Variants in EXOC4 observed in about 807,000 individuals in gnomAD.
The protein encoded by EXOC4 is exocyst complex component 4.
EXOC4 carries 71 observed loss-of-function variants against 107.2 expected under a neutral mutation model. The observed-to-expected ratio is 0.66, with a 90% CI of 0.55 to 0.81. The LOEUF (loss-of-function observed/expected upper bound fraction) is 0.81, where lower values mean the gene tolerates loss of function less well. Among genes scored for constraint, EXOC4 ranks in the 30% least tolerant of loss-of-function variants. The pLI is 0.00. For synonymous variants in EXOC4, 456 were observed against 441.2 expected (o/e 1.03, Z -0.42); for missense variants, 1,108 against 1,189.6 (o/e 0.93, Z 1.01).
chr7:133,790,003 C>T (rs1341755102), intron 10 of EXOC4, among the ~76,000 whole-genome samples: 2 of 152,180 alleles, frequency 1.3e-5, no homozygotes, highest in African/African-American at 4.8e-5. Flanking sequence ...TATATATTCT[C>T]ATGTAACAAA....
At chr7:133,595,104 T>G (rs1801636499) in intron 9 of EXOC4, among the ~76,000 whole-genome samples, 1 of 151,880 alleles carries the variant, frequency 6.6e-6, no homozygotes. Context: ...GTGTAGGTAA[T>G]GGGGAGAGTA....
chr7:133,685,687 G>C (rs117901794), intron 10 of EXOC4, among the ~76,000 whole-genome samples: 5 of 152,082 alleles, frequency 3.3e-5, no homozygotes, highest in Non-Finnish European at 7.4e-5. Flanking sequence ...AGACTAGGCC[G>C]ACTTGAGAAA....
chr7:133,655,287 A>G (rs1803263473), intron 10 of EXOC4, among the ~76,000 whole-genome samples: 1 of 152,262 alleles, frequency 6.6e-6, no homozygotes, highest in East Asian at 1.9e-4. Context: ...TAATGATTAA[A>G]TTAGGGTAGT....
chr7:133,810,605 A>C (rs897832284), intron 10 of EXOC4, among the ~76,000 whole-genome samples: 3 of 138,790 alleles, frequency 2.2e-5, no homozygotes, highest in Non-Finnish European at 4.7e-5. Flanking sequence ...GCTTTATTTT[A>C]TTTTATTTTA....
chr7:134,054,393 A>AAATT (rs749860854), intron 17 of EXOC4, among the ~76,000 whole-genome samples: 188 of 152,312 alleles, frequency 1.2e-3, no homozygotes, highest in Non-Finnish European at 2.2e-3. Context: ...TCTCCTAGAC[A>AAATT]AATTCACTTG....
chr7:133,591,937 A>G (rs1801558872), intron 9 of EXOC4, among the ~76,000 whole-genome samples: 1 of 152,206 alleles, frequency 6.6e-6, no homozygotes, highest in South Asian at 2.1e-4. Flanking sequence ...TGAGCTAAAC[A>G]GTTTTTGAAT....
rs925685752 is a variant in EXOC4, at chr7:133,694,966, G to A, written c.1514+64825G>A. ...GCCTCCCGAGTAGCTGGGATTACAG[G>A]CATGCACCACCATGCCCGGCTAATT... On this transcript the variant is annotated intron_variant, in intron 10 of 17. Transcript: ENST00000253861. Among the ~76,000 whole-genome samples, 54 of 152,124 alleles carry A rather than the reference G, an allele frequency of 3.5e-4. 3 individuals carry two copies. Among genetic ancestry groups the A allele is most frequent in the Non-Finnish European group, 1.3e-4 (9 of 68,026 alleles).
chr7:133,315,632 A>T (rs954610137), intron 4 of EXOC4, among the ~76,000 whole-genome samples: 1 of 152,226 alleles, frequency 6.6e-6, no homozygotes, highest in Non-Finnish European at 1.5e-5. Flanking sequence ...TAGATAAACC[A>T]TTATGAAAAG....
the EXOC4 span, among the ~76,000 whole-genome samples, chr7:134,073,382 C>T: frequency 1.3e-5 from 2 of 151,922 alleles, no homozygotes; most frequent in Non-Finnish European, 1.5e-5. Flanking sequence ...CCTCCCCACA[C>T]ATGCCGACTG....
At chr7:133,310,640 C>A (rs1161989065) in intron 4 of EXOC4, among the ~76,000 whole-genome samples, 1 of 152,218 alleles carries the variant, frequency 6.6e-6, no homozygotes, top group African/African-American at 2.4e-5. Flanking sequence ...CACACACAGT[C>A]TTAGACAAGC....
intron 11 of EXOC4, among the ~76,000 whole-genome samples, chr7:133,886,020 A>C (rs1799078953): frequency 6.6e-6 from 1 of 152,182 alleles, no homozygotes. Flanking sequence ...CCCTGTTCAC[A>C]GTGGTACTCC....
At chr7:133,476,088 T>C (rs1799006111) in intron 8 of EXOC4, among the ~76,000 whole-genome samples, 1 of 152,184 alleles carries the variant, frequency 6.6e-6, no homozygotes, top group Admixed American at 6.5e-5. Flanking sequence ...TGGGTGAGTT[T>C]CCCAAAATAA....
At chr7:133,975,184 A>C (rs182591785) in intron 14 of EXOC4, among the ~76,000 whole-genome samples, 16 of 152,346 alleles carry the variant, frequency 1.1e-4, no homozygotes, top group African/African-American at 3.6e-4. Flanking sequence ...TGAAGAAGGA[A>C]GAAGCAAGTG....
chr7:133,745,394 T>C (rs1365110513), intron 10 of EXOC4, among the ~76,000 whole-genome samples: 2 of 152,154 alleles, frequency 1.3e-5, no homozygotes, highest in Non-Finnish European at 2.9e-5. Flanking sequence ...ATTTTATCTA[T>C]AAAATGAGAA....
intron 9 of EXOC4, among the ~76,000 whole-genome samples, chr7:133,606,005 G>A (rs1353419322): frequency 1.3e-5 from 2 of 152,118 alleles, no homozygotes; most frequent in Non-Finnish European, 2.9e-5. Flanking sequence ...TTTCTAGAAA[G>A]GAATGGTTAA....
At chr7:133,531,160 T>C (rs1800175074) in intron 9 of EXOC4, among the ~76,000 whole-genome samples, 1 of 152,072 alleles carries the variant, frequency 6.6e-6, no homozygotes, top group African/African-American at 2.4e-5. Context: ...TTAATGGAAA[T>C]AATAATATAG....
intron 17 of EXOC4, among the ~76,000 whole-genome samples, chr7:134,021,339 G>A (rs546563295): frequency 6.6e-6 from 1 of 152,218 alleles, no homozygotes; most frequent in Admixed American, 6.5e-5. Flanking sequence ...CGTGCTTAAA[G>A]CATTTGCTCA....
At chr7:133,537,808 A>G (rs1004516309) in intron 9 of EXOC4, among the ~76,000 whole-genome samples, 1 of 152,194 alleles carries the variant, frequency 6.6e-6, no homozygotes, top group South Asian at 2.1e-4. Flanking sequence ...AATATATTCC[A>G]TTTTTCAAAT....
intron 10 of EXOC4, among the ~76,000 whole-genome samples, chr7:133,694,875 T>G (rs1202152016): frequency 3.3e-5 from 5 of 152,214 alleles, no homozygotes; most frequent in Non-Finnish European, 7.3e-5. Flanking sequence ...CTTTTCTTTG[T>G]GCAATGGCGC....
Sources: allele counts gnomAD v4.1 joint callset (sites outside exome capture counted in the v4.1 genomes callset), GRCh38; gene constraint gnomAD v4.1.1; transcripts MANE v1.5; gene names NCBI Gene and HGNC (gene_info 2026-07-23, HGNC 2026-07-21).